Variants in SEZ6L2 observed in about 807,000 individuals in gnomAD.
SEZ6L2 encodes the protein seizure 6-like protein 2.
Under a neutral mutation model 97.0 loss-of-function variants are expected in SEZ6L2, and 44 were observed. The observed-to-expected ratio is 0.45, with a 90% CI of 0.36 to 0.58. The LOEUF is 0.58. Among genes scored for constraint, SEZ6L2 ranks in the 20% least tolerant of loss-of-function variants. The pLI, the probability that SEZ6L2 is intolerant of heterozygous loss-of-function variation, is 0.00. For missense variants in SEZ6L2, 1,086 were observed against 1,233.3 expected, an observed-to-expected ratio of 0.88 and a Z score of 1.79; for synonymous variants, 543 against 546.1, an observed-to-expected ratio of 0.99 and a Z score of 0.08.
chr16:29,873,388 G>A lies in SEZ6L2; in HGVS notation c.2340C>T (p.Gly780=). ...PCLNPGVPEN[G]YQTLYKHHYQ... The stretch of plus-strand genomic sequence containing the variant: ...AGTGGTGCTTGTACAGCGTCTGGTA[G>A]CCATTCTCGGGAACCCCCGGGTTCA... The change falls in exon 14 of 18, where the codon GGC becomes GGT. Residue 780 remains glycine (G), a synonymous_variant. Transcript: ENST00000617533. The surrounding 1 kb of genome is among the most constrained non-coding windows in gnomAD (Gnocchi z 4.3). The A allele has an allele frequency of 1.2e-6, 2 of 1,614,256 alleles. No homozygotes were observed. The highest frequency in any genetic ancestry group is 2.2e-5 in the South Asian group (2 of 91,090).
In SEZ6L2 at chr16:29,873,168, G is replaced by A; in HGVS notation, c.2488+72C>T. The A allele has an allele frequency of 6.5e-7, 1 of 1,548,758 alleles. No homozygotes were observed. On this transcript the variant is annotated intron_variant, in intron 14 of 17. Transcript: ENST00000617533. This position sits in a 1 kb window ranked among gnomAD's most constrained non-coding sequence, Gnocchi z 4.3. Reference sequence around the variant, plus strand: ...GGGGTCGCCCATTGGTCTCAAATGTGCTACCTGACTCTCCCAGCCCTGTCA... The same window carrying A: ...GGGGTCGCCCATTGGTCTCAAATGTACTACCTGACTCTCCCAGCCCTGTCA...
chr16:29,899,023 G>T lies in SEZ6L2; in HGVS notation c.-4C>A. The T allele has an allele frequency of 6.2e-7, 1 of 1,605,256 alleles. No individual in the cohort carries two copies. The highest frequency in any genetic ancestry group is 1.1e-5 in the South Asian group (1 of 90,290). ...GCTGGGCCCTGGGAGTCCCCATGGC[G>T]ACTCACCCCGATCTCTCTCCTCTGT... On this transcript the variant is annotated 5_prime_UTR_variant, in exon 1 of 18. Transcript: ENST00000617533.
At position 29,876,940 on chromosome 16, in the gene SEZ6L2, C is replaced by A; in HGVS notation, c.1920G>T (p.Arg640Ser). Residue 640 changes from arginine (R) to serine (S), a missense_variant, in exon 12 of 18, where the codon AGG becomes AGT. Physicochemically the swap from Arg to Ser is moderately radical, Grantham distance 110. Coordinates refer to ENST00000617533, the MANE Select transcript of SEZ6L2 (RefSeq NM_001243332.2). This position sits in a 1 kb window ranked among gnomAD's most constrained non-coding sequence, Gnocchi z 6.5. ...GTGGCAGCTCGGGGCACGTGTCGTT[C>A]CTCGGGACCTCTGCAGGGGAGGGAA... ...GFVLHFKEVPRNDTCPELPPP... is the reference protein window; with the variant it reads ...GFVLHFKEVPSNDTCPELPPP... 1.2e-6 allele frequency: 2 copies of A among 1,605,714 alleles called. No individual in the cohort carries two copies.
At chr16:29,886,328 C>A (rs1336939712) in intron 7 of SEZ6L2, among the ~76,000 whole-genome samples, 1 of 152,128 alleles carries the variant, frequency 6.6e-6, no homozygotes, top group Admixed American at 6.6e-5. Flanking sequence ...GAATCCGTGC[C>A]ACTGCACTCC....
chr16:29,873,293 G>A lies in SEZ6L2; in HGVS notation c.2435C>T (p.Thr812Ile). The change falls in exon 14 of 18, where the codon ACC (threonine) becomes ATC (isoleucine). Residue 812 changes from threonine to isoleucine, a missense_variant. Physicochemically the swap from Thr to Ile is moderately conservative, Grantham distance 89. Coordinates refer to ENST00000617533, the MANE Select transcript of SEZ6L2 (RefSeq NM_001243332.2). This position sits in a 1 kb window ranked among gnomAD's most constrained non-coding sequence, Gnocchi z 4.3. ...GFELIGEVTITCVPGHPSQWT... is the reference protein window; with the variant it reads ...GFELIGEVTIICVPGHPSQWT... ...CTGGGAGGGGTGGCCGGGCACACAG[G>A]TGATGGTGACCTCGCCGATAAGCTC... 2 of 1,614,234 alleles carry A rather than the reference G, an allele frequency of 1.2e-6. No individual in the cohort carries two copies. The highest frequency in any genetic ancestry group is 8.5e-7 in the Non-Finnish European group (1 of 1,180,042).
intron 7 of SEZ6L2, among the ~76,000 whole-genome samples, chr16:29,886,707 G>A (rs1407507856): frequency 4.0e-5 from 6 of 150,898 alleles, no homozygotes; most frequent in African/African-American, 9.7e-5. Flanking sequence ...GAGGATAGCA[G>A]ACACTTTTAT....
intron 7 of SEZ6L2, among the ~76,000 whole-genome samples, chr16:29,886,387 T>C (rs2068141354): frequency 1.4e-5 from 2 of 146,486 alleles, no homozygotes; most frequent in African/African-American, 5.1e-5. Flanking sequence ...AATAAATAGA[T>C]AAATAAGGCC....
intron 3 of SEZ6L2, 107 bp downstream of exon 3, chr16:29,896,715 A>C (rs2068398764): frequency 1.1e-6 from 1 of 891,330 alleles, no homozygotes; most frequent in Non-Finnish European, 1.8e-6. Flanking sequence ...TTATTCTCCC[A>C]TCTGTACCCA....
At chr16:29,889,903 CTTTTTG>C (rs545806741) in intron 5 of SEZ6L2, among the ~76,000 whole-genome samples, 22 of 150,748 alleles carry the variant, frequency 1.5e-4, no homozygotes, top group Middle Eastern at 3.5e-3. Context: ...ACTATTTTGT[CTTTTTG>C]TTTTTGTTTT....
rs1235793279 is a variant in SEZ6L2, at chr16:29,879,902, G to A, written c.1535C>T (p.Thr512Ile). 2.5e-6 allele frequency: 4 copies of A among 1,613,232 alleles called. No individual in the cohort carries two copies. The highest frequency in any genetic ancestry group is 3.4e-6 in the Non-Finnish European group (4 of 1,179,412). ...PPNAIECVDP[T>I]EPHWNDTEPA... is the part of the protein sequence containing the mutation. The stretch of plus-strand genomic sequence containing the variant: ...CTCTGTGTCGTTCCAGTGGGGTTCT[G>A]TGGGATCCACACATTCGATGGCATT... The change falls in exon 9 of 18, where the codon ACA becomes ATA. Residue 512 changes from threonine (T) to isoleucine (I), a missense_variant. Thr to Ile is a moderately conservative substitution (Grantham distance 89). This residue lies in a region of SEZ6L2 where 776 missense variants were observed against 794.7 expected (regional missense o/e 0.98). Coordinates refer to ENST00000617533, the MANE Select transcript of SEZ6L2 (RefSeq NM_001243332.2).
chr16:29,872,603 A>G, intron 15 of SEZ6L2, 77 bp from the exon 16 acceptor site: 1 of 1,599,408 alleles, frequency 6.3e-7, no homozygotes. Context: ...CCTGGGCCTC[A>G]AACCCTGGGC....
In SEZ6L2 at chr16:29,876,880, C is replaced by T. The variant is rs1191172908; in HGVS notation, c.1980G>A (p.Gly660=). 1.2e-6 allele frequency: 2 copies of T among 1,613,632 alleles called. No individual in the cohort carries two copies. The highest frequency in any genetic ancestry group is 4.5e-5 in the East Asian group (2 of 44,868). ...TGAGCACCGTGCCCCGGATCAGGTC[C>T]CCGTGGGATGCCGTTCTCCAGCCCC... ...PEWGWRTASH[G]DLIRGTVLTY... The change falls in exon 12 of 18, where the codon GGG becomes GGA. Residue 660 remains glycine (G), a synonymous_variant. Transcript: ENST00000617533. This position sits in a 1 kb window ranked among gnomAD's most constrained non-coding sequence, Gnocchi z 6.5.
Position 29,871,736 on chromosome 16 carries a change from CAG to C in SEZ6L2, c.2743-10_2743-9del. The C allele has an allele frequency of 6.2e-7, 1 of 1,607,142 alleles. No individual in the cohort carries two copies. The highest frequency in any genetic ancestry group is 2.2e-5 in the East Asian group (1 of 44,664). ...TTCATACTCCCGCGTATCCTGAAGA[CAG>C]AGAGATCAGGTCAGTTGTTGGAGTC... is the stretch of plus-strand genomic sequence containing the variant. On this transcript the variant is annotated splice_polypyrimidine_tract_variant and intron_variant, in intron 17 of 17. Transcript: ENST00000617533.
At chr16:29,877,510 G>GC (rs959453448) in intron 10 of SEZ6L2, 43 bp from the exon 11 acceptor site, 8 of 1,522,926 alleles carry the variant, frequency 5.3e-6, no homozygotes, top group African/African-American at 1.4e-5. Flanking sequence ...GCTGCGACTG[G>GC]CCCCTCCCAT....
At position 29,873,770 on chromosome 16, in the gene SEZ6L2, C is replaced by G. The variant is rs773344539; in HGVS notation, c.2105-41G>C. On this transcript the variant is annotated intron_variant, in intron 12 of 17. Transcript: ENST00000617533. The surrounding 1 kb of genome is among the most constrained non-coding windows in gnomAD (Gnocchi z 4.3). ...CAAGGTCAGGGGGAGCGAGGGCCTTCAAAGATCAGCCTGGGCAACACAGAG... is the reference window on the plus strand; with the variant it reads ...CAAGGTCAGGGGGAGCGAGGGCCTTGAAAGATCAGCCTGGGCAACACAGAG... 2.0e-6 allele frequency: 3 copies of G among 1,515,264 alleles called. No individual in the cohort carries two copies. The highest frequency in any genetic ancestry group is 1.8e-6 in the Non-Finnish European group (2 of 1,131,886). 93.9% of individuals were successfully genotyped at this position (1,515,264 alleles called of 1,614,324 possible).
rs869108927 is a variant in SEZ6L2 at position 29,889,614 on chromosome 16, CTTTTTTTTTT to C, written c.854-899_854-890del. Among the ~76,000 whole-genome samples, 72 of 70,558 alleles carry C rather than the reference CTTTTTTTTTT, an allele frequency of 1.0e-3. 1 individual carries two copies. The highest frequency in any genetic ancestry group is 0.017 in the Middle Eastern group (1 of 58). The allele number at this position is 70,558 out of a possible 152,430, so 46.3% of individuals were successfully genotyped here. A position where few individuals can be genotyped will look rare whatever the true frequency, so the allele number is the denominator to read the frequency against. ...CATCCAGAAGAACCACTTGAAACTT[CTTTTTTTTTT>C]TTTTTTTTTTTTTTTTTTTTTGAGA... On this transcript the variant is annotated intron_variant, in intron 5 of 17. Coordinates refer to ENST00000617533, the MANE Select transcript of SEZ6L2 (RefSeq NM_001243332.2).
At chr16:29,877,199 C>G in intron 11 of SEZ6L2, 72 bp downstream of exon 11, 4 of 1,440,746 alleles carry the variant, frequency 2.8e-6, no homozygotes, top group South Asian at 1.4e-5. Context: ...CGTGAGCCAC[C>G]ACGACCGGCC....
At chr16:29,879,754 G>T (rs936975654) in intron 9 of SEZ6L2, 110 bp downstream of exon 9, 4 of 964,526 alleles carry the variant, frequency 4.1e-6, no homozygotes, top group Non-Finnish European at 6.2e-6. Flanking sequence ...CCAAGGCTTG[G>T]GTGGATGAAG....
intron 10 of SEZ6L2, among the ~76,000 whole-genome samples, chr16:29,877,676 C>T (rs551046089): frequency 1.3e-5 from 2 of 152,296 alleles, no homozygotes; most frequent in South Asian, 4.1e-4. Flanking sequence ...TTCTATGGCT[C>T]CTCCCATGTC....
Sources: gnomAD v4.1 joint callset for allele counts (sites outside exome capture counted in the v4.1 genomes callset) on GRCh38, gnomAD v4.1.1 for gene constraint, gnomAD v4.1.1 regional missense constraint, Gnocchi (gnomAD v3.1) non-coding constraint, MANE v1.5 for transcripts, NCBI Gene and HGNC (gene_info 2026-07-23, HGNC 2026-07-21) for gene names.